Variants in PRELID2 observed in about 807,000 individuals in gnomAD.
PRELID2 encodes the protein PRELI domain containing 2.
In PRELID2, 25 loss-of-function variants were observed where a neutral mutation model predicts 28.4. The ratio of observed to expected loss-of-function variants is 0.88; its 90% CI spans 0.64 to 1.23. The LOEUF (loss-of-function observed/expected upper bound fraction) is 1.23, where lower values mean the gene tolerates loss of function less well. PRELID2 is among the 50% of genes most tolerant of loss of function. The pLI is 0.00. For missense variants in PRELID2, 201 were observed against 214.4 expected, an observed-to-expected ratio of 0.94 and a Z score of 0.39; for synonymous variants, 76 against 71.6, an observed-to-expected ratio of 1.06 and a Z score of -0.31.
chr5:145,229,248 C>G, the PRELID2 span: 2 of 768,178 alleles, frequency 2.6e-6, no homozygotes, highest in Admixed American at 1.7e-5. Context: ...TGGAGGGCTC[C>G]CTGGAGGATG....
chr5:145,538,855 A>G (rs1214305436), intron 1 of PRELID2, among the ~76,000 whole-genome samples: 1 of 151,816 alleles, frequency 6.6e-6, no homozygotes, highest in African/African-American at 2.4e-5. Context: ...AATGAAGCAA[A>G]TTTTTGAAGC....
Position 145,709,949 on chromosome 5 carries a change from C to A in PRELID2, n.70+54982G>T, listed in dbSNP as rs56332628. ...GGGATTATTCCAACCCATTTAATTT[C>A]TGTCCCTGGAGAAGCGAGATCTAAT... On this transcript the variant is annotated intron_variant and non_coding_transcript_variant, in intron 1 of 2. Coordinates refer to the PRELID2 transcript ENST00000510259. 2.6e-3 allele frequency among the ~76,000 whole-genome samples: 403 copies of A among 152,258 alleles called. 2 individuals carry two copies. Among genetic ancestry groups the A allele is most frequent in the Middle Eastern group, 6.8e-3 (2 of 294 alleles).
intron 1 of PRELID2, among the ~76,000 whole-genome samples, chr5:145,549,599 C>G (rs1291315172): frequency 6.6e-6 from 1 of 151,756 alleles, no homozygotes; most frequent in South Asian, 2.1e-4. Flanking sequence ...TTGAGATCAT[C>G]CTGGCTAACA....
rs75902049 is a variant in PRELID2 at position 145,523,739 on chromosome 5, T to C, written n.71-50424A>G. Among the ~76,000 whole-genome samples, 778 of 152,230 alleles carry C rather than the reference T, an allele frequency of 5.1e-3. 8 individuals carry two copies. The highest frequency in any genetic ancestry group is 0.017 in the African/African-American group (709 of 41,540). ...TCCCAGTATTAGCAACACTGGGAAG[T>C]TAGGGCTTCCTCATACCAATTTTGG... On this transcript the variant is annotated intron_variant and non_coding_transcript_variant, in intron 1 of 2. Coordinates refer to the PRELID2 transcript ENST00000510259.
intron 1 of PRELID2, among the ~76,000 whole-genome samples, chr5:145,478,735 T>C (rs1311359407): frequency 1.3e-5 from 2 of 152,204 alleles, no homozygotes; most frequent in Non-Finnish European, 2.9e-5. Flanking sequence ...ATAAATGTTA[T>C]GTTTACTTGT....
chr5:145,750,064 G>A lies in PRELID2; in HGVS notation n.70+14867C>T, dbSNP rs541953963. On this transcript the variant is annotated intron_variant and non_coding_transcript_variant, in intron 1 of 2. Coordinates refer to the PRELID2 transcript ENST00000510259. ...CATATGTAACAAGCCTGCACATTCT[G>A]CACATGTATCCCAGAACTTAAAAAA... Among the ~76,000 whole-genome samples the A allele has an allele frequency of 4.0e-5, 6 of 151,644 alleles. No individual in the cohort carries two copies. In the South Asian group the frequency reaches 1.3e-3, roughly 32 times the overall value.
intron 5 of PRELID2, among the ~76,000 whole-genome samples, chr5:145,770,312 TCGAGAC>T (rs1758023939): frequency 6.6e-6 from 1 of 151,898 alleles, no homozygotes; most frequent in Non-Finnish European, 1.5e-5. Context: ...GGCCAGGAGT[TCGAGAC>T]CAGCTTTGGC....
chr5:145,566,190 T>C (rs1451213806), intron 1 of PRELID2, among the ~76,000 whole-genome samples: 1 of 152,238 alleles, frequency 6.6e-6, no homozygotes, highest in Non-Finnish European at 1.5e-5. Context: ...CTATGATGCC[T>C]GGGTCAACCA....
chr5:145,504,377 A>C (rs1752387848), intron 1 of PRELID2, among the ~76,000 whole-genome samples: 1 of 152,194 alleles, frequency 6.6e-6, no homozygotes, highest in Admixed American at 6.6e-5. Context: ...AATAAACAGA[A>C]GCTACTAATT....
At chr5:145,726,399 A>T (rs981941313) in intron 1 of PRELID2, among the ~76,000 whole-genome samples, 27 of 152,190 alleles carry the variant, frequency 1.8e-4, no homozygotes, top group African/African-American at 5.3e-4. Context: ...AAGCAAAAGG[A>T]GGTCAGGGAT....
the PRELID2 span, among the ~76,000 whole-genome samples, chr5:145,415,005 T>C: frequency 3.3e-5 from 5 of 152,160 alleles, no homozygotes; most frequent in Admixed American, 3.3e-4. Context: ...CTGATAGATA[T>C]CTATAGAACT....
At chr5:145,811,252 G>A (rs1753918280) in intron 4 of PRELID2, among the ~76,000 whole-genome samples, 1 of 151,922 alleles carries the variant, frequency 6.6e-6, no homozygotes, top group African/African-American at 2.4e-5. Context: ...TGACATATGG[G>A]AATTGTGTGA....
chr5:145,287,140 C>T, the PRELID2 span, among the ~76,000 whole-genome samples: 1 of 152,126 alleles, frequency 6.6e-6, no homozygotes, highest in East Asian at 1.9e-4. Context: ...CATTCCAAGA[C>T]CTTCAGTTCA....
chr5:145,767,892 T>C (rs564992078), intron 5 of PRELID2, among the ~76,000 whole-genome samples: 114 of 152,272 alleles, frequency 7.5e-4, no homozygotes, highest in Middle Eastern at 3.4e-3. Flanking sequence ...TTTCTGAAGA[T>C]ATAGTATATA....
chr5:145,781,216 G>A (rs1751562919), intron 5 of PRELID2, among the ~76,000 whole-genome samples: 1 of 152,090 alleles, frequency 6.6e-6, no homozygotes, highest in South Asian at 2.1e-4. Flanking sequence ...ATGCTCCAGG[G>A]GAACAGCTGG....
At chr5:145,231,598 G>T in the PRELID2 span, among the ~76,000 whole-genome samples, 1 of 152,160 alleles carries the variant, frequency 6.6e-6, no homozygotes, top group Non-Finnish European at 1.5e-5. Context: ...CAGTTTGACC[G>T]CCCACTAGAA....
At chr5:145,771,863 A>G (rs1758129132) in intron 5 of PRELID2, among the ~76,000 whole-genome samples, 1 of 152,140 alleles carries the variant, frequency 6.6e-6, no homozygotes, top group Admixed American at 6.5e-5. Flanking sequence ...CTCAAAAAAA[A>G]AGCAAGAAAG....
chr5:145,399,601 A>T, the PRELID2 span, among the ~76,000 whole-genome samples: 91,412 of 151,862 alleles, frequency 0.6, 28,031 homozygotes, highest in South Asian at 0.8. Flanking sequence ...TTCTATTTCT[A>T]ATTTGTAATA....
intron 1 of PRELID2, among the ~76,000 whole-genome samples, chr5:145,651,385 C>T (rs1401359308): frequency 6.6e-6 from 1 of 152,190 alleles, no homozygotes; most frequent in South Asian, 2.1e-4. Flanking sequence ...TCAATGTCCT[C>T]GTCTGACAGC....
Sources: allele counts gnomAD v4.1 joint callset (sites outside exome capture counted in the v4.1 genomes callset), GRCh38; gene constraint gnomAD v4.1.1; transcripts MANE v1.5; gene names NCBI Gene and HGNC (gene_info 2026-07-23, HGNC 2026-07-21).